NKAIN3: variants seen among roughly 807,000 people sequenced by gnomAD.
The protein encoded by NKAIN3 is sodium/potassium-transporting ATPase subunit beta-1-interacting protein 3.
A neutral mutation model predicts 30.2 loss-of-function variants in NKAIN3; 25 were observed. The observed-to-expected ratio is 0.83, with a 90% CI of 0.60 to 1.16. NKAIN3 has a LOEUF of 1.16. NKAIN3 is among the 50% of genes most tolerant of loss of function. The probability of loss-of-function intolerance (pLI) is 0.00; values close to 1 mark genes in which losing one functional copy is unlikely to be tolerated. For synonymous variants in NKAIN3, 91 were observed against 89.6 expected, an observed-to-expected ratio of 1.02 and a Z score of -0.09; for missense variants, 225 against 254.1, an observed-to-expected ratio of 0.89 and a Z score of 0.78.
chr8:62,927,873 G>T (rs1297011896), intron 5 of NKAIN3, among the ~76,000 whole-genome samples: 1 of 152,148 alleles, frequency 6.6e-6, no homozygotes, highest in African/African-American at 2.4e-5. Flanking sequence ...CAATAAAAGA[G>T]ATGTTTATCC....
Position 62,976,512 on chromosome 8 carries a change from C to CT in NKAIN3, c.*11113dup, listed in dbSNP as rs1209617573. 7.2e-5 allele frequency among the ~76,000 whole-genome samples: 11 copies of CT among 151,762 alleles called. No homozygotes were observed. Among genetic ancestry groups the CT allele is most frequent in the African/African-American group, 2.2e-4 (9 of 41,306 alleles). On this transcript the variant is annotated 3_prime_UTR_variant, in exon 7 of 7. Coordinates refer to ENST00000623646, the MANE Select transcript of NKAIN3 (RefSeq NM_001304533.3). Reference sequence around the variant, plus strand: ...CCAGAGGCTAAGATTGCAACCCCTGCTTTTTTTTGCTTTCCATTTGCCTGG... The same window carrying CT: ...CCAGAGGCTAAGATTGCAACCCCTGCTTTTTTTTTGCTTTCCATTTGCCTGG...
chr8:62,511,154 A>G (rs1794400112), intron 1 of NKAIN3, among the ~76,000 whole-genome samples: 1 of 151,980 alleles, frequency 6.6e-6, no homozygotes, highest in Admixed American at 6.6e-5. Context: ...AGCTTTCCCC[A>G]CACCCTGGAA....
intron 1 of NKAIN3, among the ~76,000 whole-genome samples, chr8:62,354,176 A>T (rs1419186461): frequency 1.3e-5 from 2 of 152,230 alleles, no homozygotes; most frequent in Non-Finnish European, 2.9e-5. Flanking sequence ...AATAAAAACA[A>T]AATATAAGCA....
rs140839100 is a variant in NKAIN3 at position 62,395,502 on chromosome 8, C to T, written c.54+146375C>T. 3.5e-3 allele frequency among the ~76,000 whole-genome samples: 535 copies of T among 152,270 alleles called. 4 individuals are homozygous for T. The highest frequency in any genetic ancestry group is 0.011 in the African/African-American group (476 of 41,570). On this transcript the variant is annotated intron_variant, in intron 1 of 6. Coordinates refer to ENST00000623646, the MANE Select transcript of NKAIN3 (RefSeq NM_001304533.3). ...GAAACAAACAAATTGAGAATCGTCC[C>T]ATTGTACAGATTTAAAATTATTTTA...
chr8:62,964,937 G>T (rs1366946834), intron 6 of NKAIN3, among the ~76,000 whole-genome samples: 1 of 152,162 alleles, frequency 6.6e-6, no homozygotes. Context: ...AGGAACATAA[G>T]TCAATGATTG....
intron 4 of NKAIN3, among the ~76,000 whole-genome samples, chr8:62,851,211 T>G (rs1212759055): frequency 6.6e-6 from 1 of 152,188 alleles, no homozygotes; most frequent in African/African-American, 2.4e-5. Context: ...TTATTCTCTT[T>G]GAAGCAATTG....
At chr8:62,675,990 G>A (rs896675615) in intron 3 of NKAIN3, among the ~76,000 whole-genome samples, 2 of 148,550 alleles carry the variant, frequency 1.3e-5, no homozygotes, top group African/African-American at 2.6e-5. Context: ...ATTATTCTCT[G>A]AAGAAGATTA....
rs1435376065 is a variant in NKAIN3 at position 62,908,651 on chromosome 8, C to T, written c.472-9802C>T. ...ATAAAGGGGAGTTCCCCTGCACACA[C>T]TCTCTTGCCTCCCACCATGTAAGAC... On this transcript the variant is annotated intron_variant, in intron 4 of 6. Coordinates refer to ENST00000623646, the MANE Select transcript of NKAIN3 (RefSeq NM_001304533.3). Among the ~76,000 whole-genome samples the T allele has an allele frequency of 2.0e-5, 3 of 152,170 alleles. No individual in the cohort carries two copies. In the South Asian group the frequency reaches 6.2e-4, roughly 32 times the overall value.
At chr8:62,595,260 T>C (rs2130125256) in intron 3 of NKAIN3, among the ~76,000 whole-genome samples, 1 of 152,138 alleles carries the variant, frequency 6.6e-6, no homozygotes, top group African/African-American at 2.4e-5. Flanking sequence ...TAAACGCTTC[T>C]GATACATTTT....
chr8:62,913,799 G>A (rs967655382), intron 4 of NKAIN3, among the ~76,000 whole-genome samples: 1 of 152,130 alleles, frequency 6.6e-6, no homozygotes, highest in South Asian at 2.1e-4. Context: ...TCTAATCAAA[G>A]TGAAAAGACA....
At chr8:62,560,573 CTT>C (rs1809539417) in intron 1 of NKAIN3, among the ~76,000 whole-genome samples, 1 of 78,798 alleles carries the variant, frequency 1.3e-5, no homozygotes, top group African/African-American at 4.8e-5. Flanking sequence ...AAGTTTCTCT[CTT>C]GTCACCCAGG....
intron 5 of NKAIN3, among the ~76,000 whole-genome samples, chr8:62,995,873 CA>C (rs1179974650): frequency 6.6e-6 from 1 of 152,168 alleles, no homozygotes; most frequent in Non-Finnish European, 1.5e-5. Context: ...GCATCAGCAT[CA>C]CCTGGGAGCT....
chr8:62,871,238 T>C (rs1820632177), intron 4 of NKAIN3, among the ~76,000 whole-genome samples: 1 of 151,350 alleles, frequency 6.6e-6, no homozygotes, highest in African/African-American at 2.4e-5. Context: ...CCATCTCTAC[T>C]AAAAATATAA....
At chr8:62,326,742 A>G (rs1311341691) in intron 1 of NKAIN3, among the ~76,000 whole-genome samples, 1 of 151,972 alleles carries the variant, frequency 6.6e-6, no homozygotes, top group Admixed American at 6.6e-5. Flanking sequence ...GCTATTGTGA[A>G]TAACGCTGCC....
At chr8:62,578,889 TG>T (rs1810205016) in intron 1 of NKAIN3, among the ~76,000 whole-genome samples, 1 of 151,832 alleles carries the variant, frequency 6.6e-6, no homozygotes, top group Non-Finnish European at 1.5e-5. Context: ...TACCAGAGGC[TG>T]GGAAGGGGAG....
intron 1 of NKAIN3, among the ~76,000 whole-genome samples, chr8:62,383,877 T>C (rs1002078738): frequency 7.9e-6 from 1 of 126,594 alleles, no homozygotes; most frequent in Admixed American, 8.2e-5. Context: ...ATTTCATGAA[T>C]TTTCTTTTTT....
chr8:62,868,724 C>A (rs558661812), intron 4 of NKAIN3, among the ~76,000 whole-genome samples: 1 of 152,182 alleles, frequency 6.6e-6, no homozygotes, highest in South Asian at 2.1e-4. Context: ...ATGCATTCAA[C>A]GTTTATAAAC....
chr8:62,475,905 A>G (rs1204682338), intron 1 of NKAIN3, among the ~76,000 whole-genome samples: 2 of 152,228 alleles, frequency 1.3e-5, no homozygotes, highest in African/African-American at 4.8e-5. Flanking sequence ...GTCAGATTAC[A>G]GCTCTCTTCT....
intron 4 of NKAIN3, among the ~76,000 whole-genome samples, chr8:62,850,746 G>C (rs2130773639): frequency 6.6e-6 from 1 of 152,154 alleles, no homozygotes; most frequent in Admixed American, 6.5e-5. Flanking sequence ...TCTCAGGTTT[G>C]TCAAAGATCA....
Sources: allele counts gnomAD v4.1 joint callset (sites outside exome capture counted in the v4.1 genomes callset), GRCh38; gene constraint gnomAD v4.1.1; transcripts MANE v1.5; gene names NCBI Gene and HGNC (gene_info 2026-07-23, HGNC 2026-07-21).